Variants in EXOC4 observed in about 807,000 individuals in gnomAD.
EXOC4 encodes the protein SEC8-like 1.
A neutral mutation model predicts 107.2 loss-of-function variants in EXOC4; 71 were observed. The ratio of observed to expected loss-of-function variants is 0.66; its 90% CI spans 0.55 to 0.81. The LOEUF (loss-of-function observed/expected upper bound fraction) is 0.81. EXOC4 is among the 30% of genes least tolerant of loss of function. EXOC4 has a pLI of 0.00. For missense variants in EXOC4, 1,108 were observed against 1,189.6 expected (o/e 0.93, Z 1.01); for synonymous variants, 456 against 441.2 (o/e 1.03, Z -0.42).
At chr7:133,421,793 AT>A (rs1584904061) in intron 7 of EXOC4, among the ~76,000 whole-genome samples, 2 of 152,170 alleles carry the variant, frequency 1.3e-5, no homozygotes, top group South Asian at 2.1e-4. Flanking sequence ...CTACTCATTC[AT>A]TTTTCCCCCA....
In EXOC4 at chr7:133,705,986, C is replaced by G. The variant is rs1047587072; in HGVS notation, c.1514+75845C>G. Among the ~76,000 whole-genome samples, 6 of 152,324 alleles carry G rather than the reference C, an allele frequency of 3.9e-5. No individual in the cohort carries two copies. The East Asian group carries it at 1.2e-3, about 29-fold the overall frequency. On this transcript the variant is annotated intron_variant, in intron 10 of 17. Coordinates refer to ENST00000253861, the MANE Select transcript of EXOC4 (RefSeq NM_021807.4). ...ACTGTATTTTAATTTGTTTATTAAA[C>G]TTCGTTTCTACTAGAAGCAGACAGC...
At chr7:133,284,074 G>A (rs1427817964) in intron 2 of EXOC4, among the ~76,000 whole-genome samples, 1 of 152,146 alleles carries the variant, frequency 6.6e-6, no homozygotes, top group Non-Finnish European at 1.5e-5. Flanking sequence ...GAATTTTGGT[G>A]TGGTCATTTT....
At chr7:133,613,134 TA>T (rs1802110725) in intron 9 of EXOC4, among the ~76,000 whole-genome samples, 1 of 152,176 alleles carries the variant, frequency 6.6e-6, no homozygotes, top group South Asian at 2.1e-4. Context: ...TATATATTGA[TA>T]TTAGTCTATT....
intron 14 of EXOC4, among the ~76,000 whole-genome samples, chr7:133,975,130 C>T (rs1201587763): frequency 1.3e-5 from 2 of 151,806 alleles, no homozygotes; most frequent in African/African-American, 4.8e-5. Context: ...AAATTCACCT[C>T]TCTGAGAAGT....
chr7:133,712,346 G>A (rs1794909653), intron 10 of EXOC4, among the ~76,000 whole-genome samples: 2 of 149,912 alleles, frequency 1.3e-5, no homozygotes, highest in South Asian at 4.2e-4. Flanking sequence ...GGCTGAGGCA[G>A]GAGAATCACT....
intron 10 of EXOC4, among the ~76,000 whole-genome samples, chr7:133,761,698 T>C (rs1796036246): frequency 6.6e-6 from 1 of 152,226 alleles, no homozygotes; most frequent in Non-Finnish European, 1.5e-5. Flanking sequence ...AGCTTTTCAA[T>C]GTGCGGTCAA....
chr7:133,730,094 T>C (rs182365029), intron 10 of EXOC4, among the ~76,000 whole-genome samples: 1 of 150,268 alleles, frequency 6.7e-6, no homozygotes, highest in East Asian at 2.0e-4. Context: ...ATGGCTTTAA[T>C]TTCCTGTTAT....
chr7:133,419,342 T>C (rs1379869269), intron 7 of EXOC4, among the ~76,000 whole-genome samples: 1 of 152,098 alleles, frequency 6.6e-6, no homozygotes, highest in Non-Finnish European at 1.5e-5. Context: ...TAAGGACTTA[T>C]TTACAGATGC....
intron 2 of EXOC4, among the ~76,000 whole-genome samples, chr7:133,286,500 A>G (rs146205829): frequency 3.1e-3 from 476 of 152,224 alleles, no homozygotes; most frequent in Non-Finnish European, 4.4e-3. Flanking sequence ...TGCATGTCTG[A>G]TGATCCTTGG....
chr7:133,309,194 G>T (rs529009569), intron 4 of EXOC4, among the ~76,000 whole-genome samples: 3 of 152,250 alleles, frequency 2.0e-5, no homozygotes, highest in African/African-American at 7.2e-5. Context: ...AATGTGAGAG[G>T]AAGTCTTTGT....
In EXOC4 at chr7:133,835,565, G is replaced by A. The variant is rs140370759; in HGVS notation, c.1734+18021G>A. 4.9e-3 allele frequency among the ~76,000 whole-genome samples: 749 copies of A among 152,312 alleles called. 6 individuals are homozygous for A. Among genetic ancestry groups the A allele is most frequent in the African/African-American group, 0.017 (695 of 41,568 alleles). On this transcript the variant is annotated intron_variant, in intron 11 of 17. Transcript: ENST00000253861. ...CAGAGGGATGACTTTGAATAGAATG[G>A]GAGGCAGGTTTGCCCTGAGCAGTTT...
intron 7 of EXOC4, among the ~76,000 whole-genome samples, chr7:133,429,109 G>A (rs1584910244): frequency 6.6e-6 from 1 of 152,148 alleles, no homozygotes. Context: ...GAAGAACAAT[G>A]ATGAAGGAGA....
intron 13 of EXOC4, among the ~76,000 whole-genome samples, chr7:133,923,929 C>T (rs995912120): frequency 6.6e-6 from 1 of 152,024 alleles, no homozygotes; most frequent in Non-Finnish European, 1.5e-5. Context: ...TTTATTTCCT[C>T]TACCTGTTCT....
intron 14 of EXOC4, among the ~76,000 whole-genome samples, chr7:133,971,357 TATATAGAGAG>T (rs1353264541): frequency 2.6e-3 from 259 of 100,502 alleles, no homozygotes; most frequent in Middle Eastern, 4.7e-3. Flanking sequence ...TATATATATA[TATATAGAGAG>T]AGAGAGAGAG....
chr7:134,042,835 G>A (rs1221317192), intron 17 of EXOC4, among the ~76,000 whole-genome samples: 10 of 152,190 alleles, frequency 6.6e-5, no homozygotes, highest in Admixed American at 5.9e-4. Context: ...TCAGGAGTTC[G>A]AGACCAGCCT....
intron 17 of EXOC4, among the ~76,000 whole-genome samples, chr7:134,063,561 G>A (rs1796118203): frequency 6.6e-6 from 1 of 152,122 alleles, no homozygotes; most frequent in African/African-American, 2.4e-5. Flanking sequence ...GGTGGAGTGA[G>A]GGGTAAGTGG....
intron 12 of EXOC4, among the ~76,000 whole-genome samples, chr7:133,902,216 G>A (rs1363063446): frequency 6.6e-6 from 1 of 152,080 alleles, no homozygotes; most frequent in African/African-American, 2.4e-5. Context: ...TTTCTCCTGT[G>A]TGTCAGGATA....
intron 14 of EXOC4, among the ~76,000 whole-genome samples, chr7:133,979,417 A>G (rs1474366909): frequency 1.3e-5 from 2 of 152,194 alleles, no homozygotes; most frequent in African/African-American, 2.4e-5. Context: ...GCCCTGTTTG[A>G]GTAAGGCAGA....
At chr7:133,277,860 A>G (rs1027189858) in intron 2 of EXOC4, among the ~76,000 whole-genome samples, 1 of 152,204 alleles carries the variant, frequency 6.6e-6, no homozygotes, top group Admixed American at 6.5e-5. Flanking sequence ...TTTTCTCACT[A>G]ATCTTTTCCT....
Sources: gnomAD v4.1 joint callset for allele counts (sites outside exome capture counted in the v4.1 genomes callset) on GRCh38, gnomAD v4.1.1 for gene constraint, MANE v1.5 for transcripts, NCBI Gene and HGNC (gene_info 2026-07-23, HGNC 2026-07-21) for gene names.